The following STRN variants were observed in gnomAD, a reference collection of about 807,000 sequenced individuals.
STRN encodes the protein protein phosphatase 2 regulatory subunit B'''alpha.
In STRN, 53 loss-of-function variants were observed where a neutral mutation model predicts 96.3. That is an observed-to-expected ratio of 0.55 (90% confidence interval 0.44 to 0.69). The LOEUF (loss-of-function observed/expected upper bound fraction) is 0.69, where lower values mean the gene tolerates loss of function less well. Ranked by LOEUF, STRN falls within the 30% of genes least tolerant of loss-of-function variation. The pLI is 0.00. For missense variants in STRN, 987 were observed against 963.9 expected, an observed-to-expected ratio of 1.02 and a Z score of -0.32; for synonymous variants, 428 against 355.9, an observed-to-expected ratio of 1.20 and a Z score of -2.28.
intron 2 of STRN, among the ~76,000 whole-genome samples, chr2:36,924,355 CAA>C (rs143310395): frequency 4.8e-5 from 5 of 103,304 alleles, no homozygotes; most frequent in Non-Finnish European, 6.0e-5. Context: ...GACTCCGTTT[CAA>C]AAAAAAAAAA....
chr2:36,894,818 G>A (rs1669496341), intron 6 of STRN, among the ~76,000 whole-genome samples: 1 of 152,176 alleles, frequency 6.6e-6, no homozygotes, highest in Admixed American at 6.5e-5. Context: ...GAGTTGAGAA[G>A]TAGACCCCAA....
intron 1 of STRN, among the ~76,000 whole-genome samples, chr2:36,964,037 A>G (rs530757242): frequency 2.3e-4 from 35 of 152,164 alleles, no homozygotes; most frequent in African/African-American, 8.4e-4. Flanking sequence ...ATAAGCACCC[A>G]TGGGAAAGCT....
chr2:36,845,761 G>T lies in STRN; in HGVS notation c.*3695C>A. 1 of 151,886 alleles carries T rather than the reference G, an allele frequency of 6.6e-6. No homozygotes were observed. Among genetic ancestry groups the T allele is most frequent in the Middle Eastern group, 3.4e-3 (1 of 294 alleles). 9.4% of individuals were successfully genotyped at this position (151,886 alleles called of 1,614,324 possible). On this transcript the variant is annotated 3_prime_UTR_variant, in exon 18 of 18. Coordinates refer to ENST00000263918, the MANE Select transcript of STRN (RefSeq NM_003162.4). ...TAGGAATTCACATTCAAAATTCTTG[G>T]AAAGTATATATGGTGCTCAGAAGAG...
rs114685233 is a variant in STRN at position 36,898,758 on chromosome 2, T to G, written c.795+765A>C. ...CGATCTGCTTTATATTACTTTACTT[T>G]CCTCCTCTCTATTCATAAATTAATG... On this transcript the variant is annotated intron_variant, in intron 6 of 17. Transcript: ENST00000263918. Among the ~76,000 whole-genome samples the G allele has an allele frequency of 5.3e-3, 804 of 152,286 alleles. 6 individuals carry two copies. The highest frequency in any genetic ancestry group is 0.018 in the African/African-American group (747 of 41,550).
intron 1 of STRN, among the ~76,000 whole-genome samples, chr2:36,943,989 G>A (rs974216054): frequency 4.7e-5 from 7 of 149,800 alleles, no homozygotes; most frequent in Non-Finnish European, 1.0e-4. Flanking sequence ...ACGTGGTGGC[G>A]GGCACCTGTA....
chr2:36,905,806 A>C (rs983681579), intron 3 of STRN, among the ~76,000 whole-genome samples, 188 bp from the exon 4 acceptor site: 6 of 152,222 alleles, frequency 3.9e-5, no homozygotes, highest in Non-Finnish European at 4.4e-5. Context: ...TCTAATATAA[A>C]TTATTGCTAC....
At chr2:36,883,423 C>T (rs896237521) in intron 9 of STRN, among the ~76,000 whole-genome samples, 9 of 152,112 alleles carry the variant, frequency 5.9e-5, no homozygotes, top group African/African-American at 1.9e-4. Context: ...TGCCACTGCA[C>T]TCCAGCCTGG....
chr2:36,949,070 G>A (rs11124555), intron 1 of STRN, among the ~76,000 whole-genome samples: 84,992 of 152,050 alleles, frequency 0.56, 24,875 homozygotes, highest in African/African-American at 0.73. Context: ...CCATAATTTG[G>A]CTGTACCTTC....
chr2:36,846,429 A>ATATG lies in STRN; in HGVS notation c.*3026_*3027insCATA, dbSNP rs1553390296. 1 of 102,310 alleles carries ATATG rather than the reference A, an allele frequency of 9.8e-6. No homozygotes were observed. The highest frequency in any genetic ancestry group is 4.1e-5 in the African/African-American group (1 of 24,480). 6.3% of individuals were successfully genotyped at this position (102,310 alleles called of 1,614,324 possible). A position where few individuals can be genotyped will look rare whatever the true frequency, so the allele number is the denominator to read the frequency against. On this transcript the variant is annotated 3_prime_UTR_variant, in exon 18 of 18. Coordinates refer to ENST00000263918, the MANE Select transcript of STRN (RefSeq NM_003162.4). ...TATATATATATATATATATATATAT[A>ATATG]GTTTATATATTATATATATTCTTAC...
At chr2:36,875,963 G>T (rs1668898264) in intron 10 of STRN, among the ~76,000 whole-genome samples, 1 of 151,130 alleles carries the variant, frequency 6.6e-6, no homozygotes, top group Non-Finnish European at 1.5e-5. Flanking sequence ...GCTTACAAAT[G>T]ATTTTTTTTA....
At position 36,839,611 on chromosome 2, in the gene STRN, G is replaced by C. The variant is rs967557820; in HGVS notation, c.*9845C>G. ...TCTATTATCCCCATTTCATAGATGA[G>C]AAGCCAATTTAGAAGAGTTGACTTG... On this transcript the variant is annotated 3_prime_UTR_variant, in exon 18 of 18. Coordinates refer to ENST00000263918, the MANE Select transcript of STRN (RefSeq NM_003162.4). Among the ~76,000 whole-genome samples the C allele has an allele frequency of 1.3e-5, 2 of 152,156 alleles. No homozygotes were observed. The highest frequency in any genetic ancestry group is 2.9e-5 in the Non-Finnish European group (2 of 68,034).
In STRN at chr2:36,849,023, A is replaced by C. The variant is rs1668151653; in HGVS notation, c.*433T>G. ...TAAAGATTACTATTTTGACTACTTA[A>C]TGTGTTTTAACAAGATTTCTCAGGG... On this transcript the variant is annotated 3_prime_UTR_variant, in exon 18 of 18. Coordinates refer to ENST00000263918, the MANE Select transcript of STRN (RefSeq NM_003162.4). The C allele has an allele frequency of 1.9e-5, 3 of 162,004 alleles. No homozygotes were observed. Among genetic ancestry groups the C allele is most frequent in the Admixed American group, 1.2e-4 (2 of 17,228 alleles). 10.0% of individuals were successfully genotyped at this position (162,004 alleles called of 1,614,324 possible).
chr2:36,867,216 G>A (rs1023276845), intron 12 of STRN, among the ~76,000 whole-genome samples: 4 of 152,086 alleles, frequency 2.6e-5, no homozygotes, highest in African/African-American at 9.7e-5. Context: ...CCAGGTGCCT[G>A]TAATCCTACC....
At chr2:36,853,609 C>T (rs139417028) in intron 15 of STRN, among the ~76,000 whole-genome samples, 2 of 152,322 alleles carry the variant, frequency 1.3e-5, no homozygotes, top group East Asian at 3.9e-4. Context: ...TTTGACTTTA[C>T]CACAGTCAAA....
Position 36,849,813 on chromosome 2 carries a change from A to G in STRN, c.2087-13T>C. On this transcript the variant is annotated splice_polypyrimidine_tract_variant and intron_variant, in intron 16 of 17. Coordinates refer to ENST00000263918, the MANE Select transcript of STRN (RefSeq NM_003162.4). ...TGGATCAGTTTGCCTTTGGAAAAAG[A>G]GATTGTTACTCCTTATTAATGCCTT... 1 of 1,612,888 alleles carries G rather than the reference A, an allele frequency of 6.2e-7. No individual in the cohort carries two copies.
At chr2:36,960,483 G>C (rs1002658812) in intron 1 of STRN, among the ~76,000 whole-genome samples, 21 of 152,164 alleles carry the variant, frequency 1.4e-4, no homozygotes, top group African/African-American at 5.1e-4. Flanking sequence ...TGGGGATGAG[G>C]AGATAACCGA....
intron 7 of STRN, among the ~76,000 whole-genome samples, chr2:36,888,930 C>G (rs1669314817): frequency 6.6e-6 from 1 of 152,028 alleles, no homozygotes; most frequent in Non-Finnish European, 1.5e-5. Flanking sequence ...GCAATCTTCC[C>G]ACCTCAGCCT....
Position 36,893,903 on chromosome 2 carries a change from T to G in STRN, c.926A>C (p.Asp309Ala). 6.2e-7 allele frequency: 1 copy of G among 1,608,838 alleles called. No individual in the cohort carries two copies. Among genetic ancestry groups the G allele is most frequent in the South Asian group, 1.1e-5 (1 of 89,528 alleles). Residue 309 changes from aspartate to alanine, a missense_variant, in exon 7 of 18, where the codon GAC (aspartate) becomes GCC (alanine). Asp to Ala is a moderately radical substitution (Grantham distance 126, BLOSUM62 -2). Transcript: ENST00000263918. Reference sequence around the variant, plus strand: ...GATCCAGTATGCTTCCTTACCCCAGTCTGTTCCATCGCCTGCACTTCTAGA... The same window carrying G: ...GATCCAGTATGCTTCCTTACCCCAGGCTGTTCCATCGCCTGCACTTCTAGA... ...NESRSAGDGT[D>A]WEKEDQCLMP...
At chr2:36,880,314 C>G (rs1669034926) in intron 9 of STRN, among the ~76,000 whole-genome samples, 1 of 152,138 alleles carries the variant, frequency 6.6e-6, no homozygotes, top group Admixed American at 6.5e-5. Flanking sequence ...TGGTGCATGC[C>G]TCTAGTCCTA....
Sources: allele counts gnomAD v4.1 joint callset (sites outside exome capture counted in the v4.1 genomes callset), GRCh38; gene constraint gnomAD v4.1.1; transcripts MANE v1.5; gene names NCBI Gene and HGNC (gene_info 2026-07-23, HGNC 2026-07-21).